COL25A1: variants seen among roughly 807,000 people sequenced by gnomAD.
The protein encoded by COL25A1 is collagen alpha-1(XXV) chain.
Under a neutral mutation model 128.4 loss-of-function variants are expected in COL25A1, and 103 were observed. The ratio of observed to expected loss-of-function variants is 0.80; its 90% CI spans 0.68 to 0.94. COL25A1 has a LOEUF of 0.94. Among genes scored for constraint, COL25A1 ranks in the 40% least tolerant of loss-of-function variants. The probability of loss-of-function intolerance (pLI) is 0.00; values close to 1 mark genes in which losing one functional copy is unlikely to be tolerated. For synonymous variants in COL25A1, 279 were observed against 277.2 expected (o/e 1.01, Z -0.06); for missense variants, 745 against 840.0 (o/e 0.89, Z 1.40).
At chr4:109,161,451 A>G (rs890587894) in intron 3 of COL25A1, among the ~76,000 whole-genome samples, 3 of 152,174 alleles carry the variant, frequency 2.0e-5, no homozygotes, top group African/African-American at 7.2e-5. Context: ...ATCCTTAAAT[A>G]TCTACATCAA....
At chr4:108,866,099 C>T (rs1186752475) in intron 20 of COL25A1, among the ~76,000 whole-genome samples, 2 of 152,040 alleles carry the variant, frequency 1.3e-5, no homozygotes, top group Non-Finnish European at 2.9e-5. Flanking sequence ...TGCTTAAATG[C>T]AGAAAAATAT....
chr4:108,816,535 C>T (rs939284907), intron 37 of COL25A1, among the ~76,000 whole-genome samples: 2 of 152,108 alleles, frequency 1.3e-5, no homozygotes, highest in Non-Finnish European at 1.5e-5. Flanking sequence ...AGATCTTCAC[C>T]ATTATTGCAT....
At chr4:109,087,602 G>T (rs1227763543) in intron 3 of COL25A1, among the ~76,000 whole-genome samples, 1 of 152,080 alleles carries the variant, frequency 6.6e-6, no homozygotes, top group East Asian at 1.9e-4. Flanking sequence ...CACACTTCAG[G>T]TTTATTAGAA....
At chr4:109,069,970 T>A (rs35500618) in intron 3 of COL25A1, among the ~76,000 whole-genome samples, 2,420 of 54,262 alleles carry the variant, frequency 0.045, 24 homozygotes, top group Non-Finnish European at 0.063. Context: ...GAGCAATAAT[T>A]TTTTTTTTTT....
At chr4:109,189,535 G>C (rs766621095) in intron 3 of COL25A1, among the ~76,000 whole-genome samples, 7 of 116,050 alleles carry the variant, frequency 6.0e-5, no homozygotes, top group Non-Finnish European at 9.6e-5. Flanking sequence ...GTGACAGAGA[G>C]AGACTCCATC....
intron 5 of COL25A1, among the ~76,000 whole-genome samples, chr4:109,026,328 GGAGA>G (rs769510622): frequency 4.6e-5 from 7 of 152,184 alleles, no homozygotes; most frequent in Non-Finnish European, 7.4e-5. Context: ...AATCAAGATT[GGAGA>G]GAATTTCAAG....
chr4:109,116,959 A>G (rs1016816839), intron 3 of COL25A1, among the ~76,000 whole-genome samples: 4 of 152,032 alleles, frequency 2.6e-5, no homozygotes, highest in African/African-American at 9.7e-5. Flanking sequence ...TCAAAACTGA[A>G]AACTAAAGAG....
intron 8 of COL25A1, among the ~76,000 whole-genome samples, chr4:108,944,784 A>C (rs1425140044): frequency 6.6e-6 from 1 of 152,150 alleles, no homozygotes; most frequent in African/African-American, 2.4e-5. Flanking sequence ...GGTAATTCTC[A>C]CCTCAGAAAG....
At chr4:108,915,464 A>G (rs920071366) in intron 13 of COL25A1, among the ~76,000 whole-genome samples, 1 of 152,234 alleles carries the variant, frequency 6.6e-6, no homozygotes, top group African/African-American at 2.4e-5. Context: ...GCCTCTAAAA[A>G]TGCTGGGATT....
chr4:108,942,690 T>C (rs1016519507), intron 8 of COL25A1, among the ~76,000 whole-genome samples: 2 of 148,808 alleles, frequency 1.3e-5, no homozygotes, highest in African/African-American at 5.0e-5. Context: ...CCTCAGGTGA[T>C]CCACCGGCCT....
chr4:108,921,921 A>G (rs1047632626), intron 11 of COL25A1, among the ~76,000 whole-genome samples: 1 of 152,156 alleles, frequency 6.6e-6, no homozygotes, highest in Non-Finnish European at 1.5e-5. Flanking sequence ...GATTTTGCAG[A>G]GAAAATAGAG....
intron 3 of COL25A1, among the ~76,000 whole-genome samples, chr4:109,288,476 T>C (rs972977207): frequency 6.6e-6 from 1 of 152,138 alleles, no homozygotes; most frequent in Non-Finnish European, 1.5e-5. Flanking sequence ...TTTAACCCCT[T>C]TGTTATCTTA....
At chr4:109,153,860 A>G (rs912772885) in intron 3 of COL25A1, among the ~76,000 whole-genome samples, 1 of 152,136 alleles carries the variant, frequency 6.6e-6, no homozygotes, top group Admixed American at 6.5e-5. Context: ...ACAATCCCAT[A>G]AGGTCAGTGT....
At chr4:108,818,066 A>G (rs770029989) in intron 36 of COL25A1, among the ~76,000 whole-genome samples, 2 of 144,724 alleles carry the variant, frequency 1.4e-5, no homozygotes, top group East Asian at 1.9e-4. Context: ...AATTCTGAAT[A>G]AAATAAGAGG....
At chr4:108,902,319 C>T (rs2125867108) in intron 13 of COL25A1, among the ~76,000 whole-genome samples, 1 of 152,024 alleles carries the variant, frequency 6.6e-6, no homozygotes, top group East Asian at 1.9e-4. Flanking sequence ...ATTTTTATCT[C>T]TATTTTACAG....
intron 3 of COL25A1, among the ~76,000 whole-genome samples, chr4:109,252,488 C>T (rs1014720668): frequency 6.6e-6 from 1 of 152,208 alleles, no homozygotes; most frequent in Non-Finnish European, 1.5e-5. Flanking sequence ...CAAAAAATGT[C>T]ACCCTACCTA....
At chr4:108,992,315 C>T (rs1012552483) in intron 6 of COL25A1, among the ~76,000 whole-genome samples, 13 of 152,182 alleles carry the variant, frequency 8.5e-5, no homozygotes, top group African/African-American at 2.9e-4. Flanking sequence ...CAATGTCCTA[C>T]TATTTCACTA....
chr4:109,171,977 G>A (rs1773632962), intron 3 of COL25A1, among the ~76,000 whole-genome samples: 1 of 152,070 alleles, frequency 6.6e-6, no homozygotes, highest in South Asian at 2.1e-4. Flanking sequence ...GGCCTAATGA[G>A]AAAATTTAAT....
chr4:108,951,202 G>C (rs968098005), intron 8 of COL25A1, among the ~76,000 whole-genome samples: 1 of 152,042 alleles, frequency 6.6e-6, no homozygotes, highest in Non-Finnish European at 1.5e-5. Context: ...CAAGAGGGAA[G>C]TAGTGGAAAG....
Sources: gnomAD v4.1 joint callset for allele counts (sites outside exome capture counted in the v4.1 genomes callset) on GRCh38, gnomAD v4.1.1 for gene constraint, MANE v1.5 for transcripts, NCBI Gene and HGNC (gene_info 2026-07-23, HGNC 2026-07-21) for gene names.